Variants in HMGCLL1 observed in about 807,000 individuals in gnomAD.
HMGCLL1 encodes the protein 3-hydroxymethyl-3-methylglutaryl-CoA lyase, cytoplasmic.
A neutral mutation model predicts 39.1 loss-of-function variants in HMGCLL1; 36 were observed. That is an observed-to-expected ratio of 0.92 (90% CI 0.71 to 1.22). The LOEUF is 1.22. HMGCLL1 is among the 50% of genes most tolerant of loss of function. The pLI is 0.00. For synonymous variants in HMGCLL1, 149 were observed against 144.0 expected (o/e 1.03, Z -0.25); for missense variants, 451 against 416.5 (o/e 1.08, Z -0.72).
the HMGCLL1 span, among the ~76,000 whole-genome samples, chr6:55,649,424 C>T: frequency 1.3e-5 from 2 of 151,266 alleles, no homozygotes; most frequent in Non-Finnish European, 2.9e-5. Context: ...GCCACTCTCT[C>T]CCGTCCTGTT....
intron 7 of HMGCLL1, among the ~76,000 whole-genome samples, chr6:55,442,363 G>T (rs1408265570): frequency 6.6e-6 from 1 of 151,998 alleles, no homozygotes; most frequent in African/African-American, 2.4e-5. Context: ...CTAATTATAG[G>T]TAATTATTTT....
intron 1 of HMGCLL1, among the ~76,000 whole-genome samples, chr6:55,568,397 A>G (rs921929925): frequency 1.4e-4 from 21 of 152,320 alleles, no homozygotes; most frequent in Non-Finnish European, 3.1e-4. Flanking sequence ...AAATATCCCT[A>G]TGTAATTGTT....
intron 1 of HMGCLL1, among the ~76,000 whole-genome samples, chr6:55,551,044 C>CAAAAAAAA (rs773132435): frequency 9.3e-6 from 1 of 107,740 alleles, no homozygotes; most frequent in Non-Finnish European, 2.0e-5. Flanking sequence ...ATTTTCAGAC[C>CAAAAAAAA]AAAAAAAAAA....
At chr6:55,458,776 A>T (rs1414869861) in intron 7 of HMGCLL1, among the ~76,000 whole-genome samples, 1 of 152,186 alleles carries the variant, frequency 6.6e-6, no homozygotes, top group Admixed American at 6.5e-5. Context: ...AGAAAATATT[A>T]TGTATTTGTG....
At chr6:55,597,400 A>G in the HMGCLL1 span, among the ~76,000 whole-genome samples, 1 of 152,090 alleles carries the variant, frequency 6.6e-6, no homozygotes, top group African/African-American at 2.4e-5. Flanking sequence ...ATGACAACAT[A>G]GCTTCTTGCA....
intron 3 of HMGCLL1, among the ~76,000 whole-genome samples, chr6:55,521,855 G>A (rs573451167): frequency 6.6e-6 from 1 of 152,152 alleles, no homozygotes; most frequent in Non-Finnish European, 1.5e-5. Context: ...AAATGATTAA[G>A]TTTAGTGAGA....
chr6:55,456,897 AG>A (rs1227752751), intron 7 of HMGCLL1, among the ~76,000 whole-genome samples: 1 of 152,164 alleles, frequency 6.6e-6, no homozygotes, highest in Non-Finnish European at 1.5e-5. Context: ...TGCAAATCGT[AG>A]GAAGCCATTC....
intron 1 of HMGCLL1, among the ~76,000 whole-genome samples, chr6:55,557,937 A>G (rs758565800): frequency 6.6e-6 from 1 of 152,196 alleles, no homozygotes; most frequent in Non-Finnish European, 1.5e-5. Flanking sequence ...GAAACAGGAT[A>G]CTTAAATAAA....
At chr6:55,466,551 C>A (rs889097520) in intron 7 of HMGCLL1, among the ~76,000 whole-genome samples, 1 of 152,062 alleles carries the variant, frequency 6.6e-6, no homozygotes, top group Non-Finnish European at 1.5e-5. Context: ...AACATTTGAT[C>A]ATTGGTCACC....
chr6:55,576,572 G>T (rs1437323389), intron 1 of HMGCLL1, among the ~76,000 whole-genome samples: 1 of 152,154 alleles, frequency 6.6e-6, no homozygotes, highest in Non-Finnish European at 1.5e-5. Flanking sequence ...ATAGGCATTG[G>T]GTTGAAGAGG....
chr6:55,441,414 T>C (rs9370422), intron 7 of HMGCLL1, among the ~76,000 whole-genome samples: 64,577 of 151,908 alleles, frequency 0.43, 13,840 homozygotes, highest in African/African-American at 0.48. Context: ...GTTTTAGAAA[T>C]CTGACTGAAG....
intron 7 of HMGCLL1, among the ~76,000 whole-genome samples, chr6:55,450,671 G>A (rs540500985): frequency 1.5e-4 from 23 of 152,240 alleles, no homozygotes; most frequent in African/African-American, 4.8e-4. Flanking sequence ...TCTAGGTTAT[G>A]TGAGAAATAT....
chr6:55,602,620 A>G, the HMGCLL1 span, among the ~76,000 whole-genome samples: 1 of 152,092 alleles, frequency 6.6e-6, no homozygotes, highest in East Asian at 1.9e-4. Context: ...TGGCACTTCG[A>G]TATTTTTTCT....
At chr6:55,501,598 A>C (rs1419200277) in intron 5 of HMGCLL1, among the ~76,000 whole-genome samples, 1 of 151,834 alleles carries the variant, frequency 6.6e-6, no homozygotes, top group Non-Finnish European at 1.5e-5. Flanking sequence ...CTTCTCCAAC[A>C]ATCTATTACA....
the HMGCLL1 span, among the ~76,000 whole-genome samples, chr6:55,645,021 A>T: frequency 6.6e-6 from 1 of 151,998 alleles, no homozygotes; most frequent in Non-Finnish European, 1.5e-5. Context: ...AATTCTTCAA[A>T]CCCATGAACA....
At position 55,469,414 on chromosome 6, in the gene HMGCLL1, TATAAGTATAC is replaced by T. The variant is rs1488993471; in HGVS notation, c.795+25995_795+26004del. On this transcript the variant is annotated intron_variant, in intron 7 of 8. Coordinates refer to ENST00000274901, the MANE Select transcript of HMGCLL1 (RefSeq NM_001042406.2). ...ATATACATATATATGTATATATACT[TATAAGTATAC>T]ATATATAAGTATATATACATATATA... is the stretch of plus-strand genomic sequence containing the variant. Among the ~76,000 whole-genome samples, 4 of 111,258 alleles carry T rather than the reference TATAAGTATAC, an allele frequency of 3.6e-5. No homozygotes were observed. The East Asian group carries it at 9.2e-4, about 26-fold the overall frequency. 73.0% of individuals were successfully genotyped at this position (111,258 alleles called of 152,430 possible). A position where few individuals can be genotyped will look rare whatever the true frequency, so the allele number is the denominator to read the frequency against.
chr6:55,586,432 A>G, the HMGCLL1 span, among the ~76,000 whole-genome samples: 1 of 152,030 alleles, frequency 6.6e-6, no homozygotes, highest in Admixed American at 6.6e-5. Flanking sequence ...TTTAAGGTAC[A>G]TGTGCACAAT....
At chr6:55,602,184 G>A in the HMGCLL1 span, among the ~76,000 whole-genome samples, 77 of 152,152 alleles carry the variant, frequency 5.1e-4, no homozygotes, top group East Asian at 4.8e-3. Flanking sequence ...GAGCATAGTG[G>A]GGAGTAGAGG....
chr6:55,677,559 T>C, the HMGCLL1 span, among the ~76,000 whole-genome samples: 1 of 152,238 alleles, frequency 6.6e-6, no homozygotes, highest in Non-Finnish European at 1.5e-5. Context: ...AATTTCTTTT[T>C]AAGATTCCTT....
Sources: gnomAD v4.1 joint callset for allele counts (sites outside exome capture counted in the v4.1 genomes callset) on GRCh38, gnomAD v4.1.1 for gene constraint, MANE v1.5 for transcripts, NCBI Gene and HGNC (gene_info 2026-07-23, HGNC 2026-07-21) for gene names.